The following CNTN6 variants were observed in gnomAD, a reference collection of about 807,000 sequenced individuals.
CNTN6 encodes the protein contactin-6.
Under a neutral mutation model 122.8 loss-of-function variants are expected in CNTN6, and 137 were observed. The observed-to-expected ratio is 1.12, with a 90% CI of 0.97 to 1.29. The LOEUF (loss-of-function observed/expected upper bound fraction) is 1.29. Ranked by LOEUF, CNTN6 falls within the 50% of genes most tolerant of loss-of-function variation. CNTN6 has a pLI of 0.00. For missense variants in CNTN6, 1,634 were observed against 1,223.4 expected (o/e 1.34, Z -5.01); for synonymous variants, 570 against 426.0 (o/e 1.34, Z -4.16).
chr3:1,374,506 G>C (rs1445766213), intron 16 of CNTN6, among the ~76,000 whole-genome samples: 1 of 152,072 alleles, frequency 6.6e-6, no homozygotes, highest in East Asian at 1.9e-4. Flanking sequence ...TCACTGAGCA[G>C]TAGTATAAAT....
intron 3 of CNTN6, among the ~76,000 whole-genome samples, chr3:1,221,516 C>G (rs562505891): frequency 7.8e-4 from 119 of 152,092 alleles, no homozygotes; most frequent in African/African-American, 2.6e-3. Flanking sequence ...CAGCTATGTA[C>G]CCTCTAAGGC....
chr3:1,311,160 A>G lies in CNTN6; in HGVS notation c.762-10490A>G, dbSNP rs140226057. On this transcript the variant is annotated intron_variant, in intron 7 of 22. Coordinates refer to ENST00000446702, the MANE Select transcript of CNTN6 (RefSeq NM_001289080.2). Reference sequence around the variant, plus strand: ...ATATATAAAATGTCTTTATATATACATAGGTGTATATATAAAATGTCTTTA... The same window carrying G: ...ATATATAAAATGTCTTTATATATACGTAGGTGTATATATAAAATGTCTTTA... Among the ~76,000 whole-genome samples the G allele has an allele frequency of 9.3e-3, 1,313 of 141,208 alleles. 6 individuals are homozygous for G. Among genetic ancestry groups the G allele is most frequent in the Non-Finnish European group, 0.014 (869 of 61,958 alleles). 92.6% of individuals were successfully genotyped at this position (141,208 alleles called of 152,430 possible). A position where few individuals can be genotyped will look rare whatever the true frequency, so the allele number is the denominator to read the frequency against.
chr3:1,159,509 G>A (rs2093071655), intron 2 of CNTN6, among the ~76,000 whole-genome samples: 1 of 152,058 alleles, frequency 6.6e-6, no homozygotes, highest in African/African-American at 2.4e-5. Flanking sequence ...CATGGTAGCT[G>A]AAACTGGGGA....
chr3:1,127,250 C>T (rs2092196187), intron 1 of CNTN6, among the ~76,000 whole-genome samples: 1 of 151,530 alleles, frequency 6.6e-6, no homozygotes, highest in Admixed American at 6.6e-5. Flanking sequence ...TACTCAATCA[C>T]CACAGACAGG....
intron 10 of CNTN6, 108 bp from the exon 11 acceptor site, chr3:1,329,677 A>G: frequency 4.7e-6 from 4 of 859,830 alleles, no homozygotes; most frequent in Middle Eastern, 2.5e-4. Context: ...ACCTGAAAAG[A>G]GGATACAGCT....
At chr3:1,293,321 A>AT (rs1336482087) in intron 5 of CNTN6, among the ~76,000 whole-genome samples, 23 of 133,830 alleles carry the variant, frequency 1.7e-4, no homozygotes, top group African/African-American at 4.7e-4. Flanking sequence ...TGCTTCATGC[A>AT]TTTTTTTTTT....
intron 11 of CNTN6, among the ~76,000 whole-genome samples, chr3:1,340,202 G>A (rs557480797): frequency 6.6e-6 from 1 of 152,204 alleles, no homozygotes; most frequent in East Asian, 1.9e-4. Flanking sequence ...AACACTGCAG[G>A]ATTTTAATGA....
At chr3:1,113,089 A>G (rs1390432753) in intron 1 of CNTN6, among the ~76,000 whole-genome samples, 2 of 152,144 alleles carry the variant, frequency 1.3e-5, no homozygotes, top group East Asian at 3.9e-4. Context: ...TCAGGCTCTG[A>G]CGTCTCTTGA....
intron 5 of CNTN6, among the ~76,000 whole-genome samples, chr3:1,289,452 T>C (rs1438497812): frequency 1.3e-5 from 2 of 152,140 alleles, no homozygotes; most frequent in Admixed American, 6.5e-5. Context: ...CTTCTTCACT[T>C]GTAAAAATGA....
rs1033186498 is a variant in CNTN6, at chr3:1,373,182, C to T, written c.1786+227C>T. Among the ~76,000 whole-genome samples, 5 of 152,080 alleles carry T rather than the reference C, an allele frequency of 3.3e-5. No homozygotes were observed. The East Asian group carries it at 5.8e-4, about 18-fold the overall frequency. On this transcript the variant is annotated intron_variant, in intron 14 of 22. Coordinates refer to ENST00000446702, the MANE Select transcript of CNTN6 (RefSeq NM_001289080.2). Reference sequence around the variant, plus strand: ...CTGTGTAGGATTTGACTATCATGAACGGTCACGCTTGGCAAGCGGTGTCAG... The same window carrying T: ...CTGTGTAGGATTTGACTATCATGAATGGTCACGCTTGGCAAGCGGTGTCAG...
At chr3:1,368,626 A>C (rs1238235230) in intron 12 of CNTN6, among the ~76,000 whole-genome samples, 1 of 152,144 alleles carries the variant, frequency 6.6e-6, no homozygotes, top group Non-Finnish European at 1.5e-5. Context: ...TAAAAATATA[A>C]ATTCTGTTGA....
intron 2 of CNTN6, among the ~76,000 whole-genome samples, chr3:1,199,969 T>C (rs958699645): frequency 6.6e-6 from 1 of 152,216 alleles, no homozygotes; most frequent in African/African-American, 2.4e-5. Context: ...GAAATCTGTA[T>C]GGAAAATTAA....
chr3:1,337,597 T>C (rs550955670), intron 11 of CNTN6, among the ~76,000 whole-genome samples: 5 of 152,170 alleles, frequency 3.3e-5, no homozygotes, highest in Non-Finnish European at 7.3e-5. Flanking sequence ...GTACGTCAGG[T>C]AGCATGAGTA....
At chr3:1,285,091 A>G (rs938743946) in intron 5 of CNTN6, among the ~76,000 whole-genome samples, 2 of 152,230 alleles carry the variant, frequency 1.3e-5, no homozygotes, top group African/African-American at 4.8e-5. Flanking sequence ...CAAGAACATA[A>G]GCAGTTAAAA....
chr3:1,191,558 C>G (rs2093703003), intron 2 of CNTN6, among the ~76,000 whole-genome samples: 1 of 152,132 alleles, frequency 6.6e-6, no homozygotes. Context: ...CCTTTTCAGC[C>G]AGCTGTTTAT....
In CNTN6 at chr3:1,239,812, T is replaced by G. The variant is rs146782139; in HGVS notation, c.358+11819T>G. On this transcript the variant is annotated intron_variant, in intron 4 of 22. Coordinates refer to ENST00000446702, the MANE Select transcript of CNTN6 (RefSeq NM_001289080.2). The stretch of plus-strand genomic sequence containing the variant: ...TAGTCACCAAAGCAACATGGTACTG[T>G]TACAAAAATAGGCACATAGACCAAT... 3.4e-3 allele frequency among the ~76,000 whole-genome samples: 520 copies of G among 152,190 alleles called. 4 individuals carry two copies. Among genetic ancestry groups the G allele is most frequent in the African/African-American group, 0.012 (489 of 41,524 alleles).
At chr3:1,281,464 C>CT (rs4065407) in intron 5 of CNTN6, among the ~76,000 whole-genome samples, 7,524 of 136,848 alleles carry the variant, frequency 0.055, 258 homozygotes, top group South Asian at 0.076. Flanking sequence ...TAAAAGTTGA[C>CT]TTTTTTTTTT....
At chr3:1,304,309 A>G (rs1430896265) in intron 7 of CNTN6, among the ~76,000 whole-genome samples, 1 of 151,466 alleles carries the variant, frequency 6.6e-6, no homozygotes, top group Non-Finnish European at 1.5e-5. Flanking sequence ...ATATTTGTCT[A>G]GTTTTTCACT....
chr3:1,388,292 G>C (rs532406167), intron 20 of CNTN6, among the ~76,000 whole-genome samples: 13 of 148,058 alleles, frequency 8.8e-5, no homozygotes, highest in East Asian at 7.9e-4. Context: ...GCACCCCCCA[G>C]CAGGGGCACA....
Sources: gnomAD v4.1 joint callset for allele counts (sites outside exome capture counted in the v4.1 genomes callset) on GRCh38, gnomAD v4.1.1 for gene constraint, MANE v1.5 for transcripts, NCBI Gene and HGNC (gene_info 2026-07-23, HGNC 2026-07-21) for gene names.